Variants in FLT3 observed in about 807,000 individuals in gnomAD.
The protein encoded by FLT3 is fms related receptor tyrosine kinase 3.
A neutral mutation model predicts 126.6 loss-of-function variants in FLT3; 46 were observed. That is an observed-to-expected ratio of 0.36 (90% confidence interval 0.29 to 0.46). FLT3 has a LOEUF of 0.46. FLT3 is among the 20% of genes least tolerant of loss of function. The pLI, the probability that FLT3 is intolerant of heterozygous loss-of-function variation, is 1.00. For synonymous variants in FLT3, 404 were observed against 434.4 expected, an observed-to-expected ratio of 0.93 and a Z score of 0.87; for missense variants, 1,069 against 1,190.3, an observed-to-expected ratio of 0.90 and a Z score of 1.50.
intron 4 of FLT3, among the ~76,000 whole-genome samples, chr13:28,056,290 C>CAA (rs1566087345): frequency 4.6e-5 from 7 of 152,144 alleles, no homozygotes; most frequent in Non-Finnish European, 1.0e-4. Context: ...ATGAAACAGG[C>CAA]AGAAGATCTT....
chr13:28,023,229 A>G, intron 19 of FLT3, 121 bp downstream of exon 19: 1 of 1,011,206 alleles, frequency 9.9e-7, no homozygotes, highest in South Asian at 1.7e-5. Flanking sequence ...TGACTCCAAC[A>G]GTGAACAGGG....
chr13:28,010,102 A>G (rs951349074), intron 23 of FLT3, among the ~76,000 whole-genome samples: 1 of 151,990 alleles, frequency 6.6e-6, no homozygotes, highest in Non-Finnish European at 1.5e-5. Context: ...ACTTCCTTTT[A>G]TGCTCTCTTT....
At chr13:28,060,377 G>C (rs138600416) in intron 3 of FLT3, among the ~76,000 whole-genome samples, 1 of 144,244 alleles carries the variant, frequency 6.9e-6, no homozygotes, top group Non-Finnish European at 1.5e-5. Context: ...AGGTGAGATC[G>C]TGCCACTGCA....
chr13:28,062,931 T>C (rs1239879993), intron 2 of FLT3, among the ~76,000 whole-genome samples: 34 of 152,134 alleles, frequency 2.2e-4, no homozygotes, highest in Admixed American at 2.2e-3. Flanking sequence ...AATTGTGAGA[T>C]AATAAATTTC....
chr13:28,091,322 C>T (rs560972522), intron 1 of FLT3, among the ~76,000 whole-genome samples: 54 of 140,214 alleles, frequency 3.9e-4, no homozygotes, highest in African/African-American at 1.0e-3. Flanking sequence ...CCCGGGTTCA[C>T]GCCATTCTCC....
chr13:28,062,199 C>A, intron 2 of FLT3, 130 bp from the exon 3 acceptor site: 1 of 645,494 alleles, frequency 1.5e-6, no homozygotes, highest in Non-Finnish European at 2.7e-6. Context: ...AAGCTGGAAC[C>A]CACTGAGAAC....
At position 28,015,166 on chromosome 13, in the gene FLT3, G is replaced by A; in HGVS notation, c.2744C>T (p.Thr915Ile). 1.9e-6 allele frequency: 3 copies of A among 1,584,970 alleles called. No homozygotes were observed. The highest frequency in any genetic ancestry group is 1.7e-5 in the Admixed American group (1 of 59,838). Residue 915 changes from threonine (T) to isoleucine (I), a missense_variant, in exon 22 of 24, where the codon ACA (threonine) becomes ATA (isoleucine). Coordinates refer to ENST00000241453, the MANE Select transcript of FLT3 (RefSeq NM_004119.3). ...GFKMDQPFYA[T>I]EEIYIIMQSC... is the part of the protein sequence containing the mutation. The stretch of plus-strand genomic sequence containing the variant: ...TCTGACTTGAACTTACATTTCTTCT[G>A]TAGCATAAAATGGCTGATCCATTTT...
chr13:28,065,472 T>A (rs184284235), intron 2 of FLT3, among the ~76,000 whole-genome samples: 102 of 151,906 alleles, frequency 6.7e-4, no homozygotes, highest in African/African-American at 2.3e-3. Flanking sequence ...TGAGACCCCA[T>A]CTCTACAAAA....
At chr13:28,013,586 C>T (rs1452803011) in intron 23 of FLT3, among the ~76,000 whole-genome samples, 5 of 152,110 alleles carry the variant, frequency 3.3e-5, no homozygotes, top group African/African-American at 1.2e-4. Flanking sequence ...ATGGGGGAAG[C>T]GTTAGCAAAG....
At chr13:28,024,719 T>G in intron 18 of FLT3, 142 bp downstream of exon 18, 2 of 607,804 alleles carry the variant, frequency 3.3e-6, no homozygotes, top group South Asian at 4.5e-5. Context: ...ATCTACAGTA[T>G]ACAAACTGGC....
At chr13:28,033,406 G>A (rs887816775) in intron 15 of FLT3, among the ~76,000 whole-genome samples, 1 of 152,250 alleles carries the variant, frequency 6.6e-6, no homozygotes, top group African/African-American at 2.4e-5. Flanking sequence ...GCTCACGCCT[G>A]TAATCCCAAC....
intron 1 of FLT3, among the ~76,000 whole-genome samples, chr13:28,089,879 C>T (rs7326846): frequency 0.55 from 82,898 of 150,822 alleles, 23,737 homozygotes; most frequent in East Asian, 0.73. Context: ...GGATTAAAGG[C>T]GCCTGCCACC....
At chr13:28,083,476 T>G (rs1410557387) in intron 1 of FLT3, among the ~76,000 whole-genome samples, 1 of 152,192 alleles carries the variant, frequency 6.6e-6, no homozygotes, top group Non-Finnish European at 1.5e-5. Context: ...TTGTCTGGTT[T>G]TGGTATTAGA....
chr13:28,031,654 G>T (rs1458596880), intron 15 of FLT3, among the ~76,000 whole-genome samples: 1 of 152,188 alleles, frequency 6.6e-6, no homozygotes, highest in Non-Finnish European at 1.5e-5. Context: ...GCTGAGATCT[G>T]AGGGGGCAGT....
chr13:28,055,579 C>T (rs1369129295), intron 4 of FLT3, among the ~76,000 whole-genome samples: 1 of 152,214 alleles, frequency 6.6e-6, no homozygotes, highest in Non-Finnish European at 1.5e-5. Context: ...CTTTTTCACA[C>T]TGACTGTTGC....
chr13:28,049,666 G>A lies in FLT3; in HGVS notation c.851C>T (p.Thr284Ile), dbSNP rs755180272. 1.2e-6 allele frequency: 2 copies of A among 1,614,092 alleles called. No individual in the cohort carries two copies. Among genetic ancestry groups the A allele is most frequent in the South Asian group, 1.1e-5 (1 of 91,078 alleles). The part of the protein sequence containing the change: ...AVHVNHGFGL[T>I]WELENKALEE... The stretch of plus-strand genomic sequence containing the variant: ...GAGTGCTTTGTTTTCTAATTCCCAG[G>A]TGAGCCCGAATCCATGGTTCACATG... Residue 284 changes from threonine (T) to isoleucine (I), a missense_variant, in exon 7 of 24, where the codon ACC becomes ATC. Physicochemically the swap from Thr to Ile is moderately conservative, Grantham distance 89 (BLOSUM62 -1). Coordinates refer to ENST00000241453, the MANE Select transcript of FLT3 (RefSeq NM_004119.3).
chr13:28,045,390 T>C (rs1566079542), intron 9 of FLT3, among the ~76,000 whole-genome samples: 1 of 152,182 alleles, frequency 6.6e-6, no homozygotes, highest in Non-Finnish European at 1.5e-5. Flanking sequence ...CGACCCCTTC[T>C]CTCTTTGAAT....
chr13:28,011,777 TTCTC>T (rs1871410172), intron 23 of FLT3, among the ~76,000 whole-genome samples: 1 of 147,628 alleles, frequency 6.8e-6, no homozygotes, highest in African/African-American at 2.5e-5. Context: ...CCTTCCTTCT[TTCTC>T]TCTTTCTTTC....
chr13:28,086,355 G>A (rs1487874927), intron 1 of FLT3, among the ~76,000 whole-genome samples: 1 of 152,056 alleles, frequency 6.6e-6, no homozygotes. Context: ...CTAATACTAG[G>A]ACCTTACACT....
Sources: allele counts gnomAD v4.1 joint callset (sites outside exome capture counted in the v4.1 genomes callset), GRCh38; gene constraint gnomAD v4.1.1; transcripts MANE v1.5; gene names NCBI Gene and HGNC (gene_info 2026-07-23, HGNC 2026-07-21).